The following ROR1 variants were observed in gnomAD, a reference collection of about 807,000 sequenced individuals.
ROR1 encodes inactive tyrosine-protein kinase transmembrane receptor ROR1.
ROR1 carries 19 observed loss-of-function variants against 78.8 expected under a neutral mutation model. The ratio of observed to expected loss-of-function variants is 0.24; its 90% CI spans 0.17 to 0.35. The LOEUF (loss-of-function observed/expected upper bound fraction) is 0.35, where lower values mean the gene tolerates loss of function less well. Ranked by LOEUF, ROR1 falls within the 10% of genes least tolerant of loss-of-function variation. The pLI is 1.00. For missense variants in ROR1, 917 were observed against 1,177.8 expected, an observed-to-expected ratio of 0.78 and a Z score of 3.24; for synonymous variants, 386 against 433.6, an observed-to-expected ratio of 0.89 and a Z score of 1.36.
chr1:63,941,906 C>T (rs1473644784), intron 1 of ROR1, among the ~76,000 whole-genome samples: 1 of 152,192 alleles, frequency 6.6e-6, no homozygotes, highest in Non-Finnish European at 1.5e-5. Flanking sequence ...GGGTGCCAGA[C>T]ACTGTTCTAA....
chr1:63,815,386 G>A (rs1438503064), intron 1 of ROR1, among the ~76,000 whole-genome samples: 3 of 151,534 alleles, frequency 2.0e-5, no homozygotes, highest in Non-Finnish European at 2.9e-5. Flanking sequence ...TTGTTTCTGG[G>A]TGGTGGACTA....
At chr1:63,955,961 G>A (rs1330260421) in intron 1 of ROR1, among the ~76,000 whole-genome samples, 1 of 152,122 alleles carries the variant, frequency 6.6e-6, no homozygotes, top group East Asian at 1.9e-4. Flanking sequence ...TACTTATATG[G>A]GAAGAGAAGG....
chr1:64,112,968 A>G (rs1251407811), intron 4 of ROR1, among the ~76,000 whole-genome samples: 1 of 152,224 alleles, frequency 6.6e-6, no homozygotes, highest in Non-Finnish European at 1.5e-5. Context: ...TAGCCAGTAC[A>G]TAATAAGCAT....
At chr1:64,087,752 C>A (rs1647165699) in intron 4 of ROR1, among the ~76,000 whole-genome samples, 1 of 151,980 alleles carries the variant, frequency 6.6e-6, no homozygotes, top group South Asian at 2.1e-4. Flanking sequence ...AAATGAAAAC[C>A]AAAAAAATTT....
chr1:64,163,272 G>A (rs954979803), intron 8 of ROR1, among the ~76,000 whole-genome samples: 3 of 146,964 alleles, frequency 2.0e-5, no homozygotes, highest in African/African-American at 8.0e-5. Flanking sequence ...CACACAATTC[G>A]CCAGGCATGG....
chr1:63,952,085 G>A (rs1000617261), intron 1 of ROR1, among the ~76,000 whole-genome samples: 2 of 152,160 alleles, frequency 1.3e-5, no homozygotes, highest in African/African-American at 4.8e-5. Flanking sequence ...GGTTAAAAAT[G>A]AAATAGGTCA....
chr1:63,931,318 A>G (rs1009774960), intron 1 of ROR1, among the ~76,000 whole-genome samples: 5 of 152,146 alleles, frequency 3.3e-5, no homozygotes, highest in African/African-American at 1.2e-4. Context: ...CACAGACAAT[A>G]TAAGCAGAAG....
At chr1:64,038,651 C>T (rs1161640046) in intron 2 of ROR1, among the ~76,000 whole-genome samples, 1 of 152,108 alleles carries the variant, frequency 6.6e-6, no homozygotes, top group Non-Finnish European at 1.5e-5. Flanking sequence ...CTGAACATAC[C>T]CAGATCACAC....
At chr1:64,005,810 G>T (rs958827267) in intron 1 of ROR1, among the ~76,000 whole-genome samples, 1 of 152,034 alleles carries the variant, frequency 6.6e-6, no homozygotes, top group Non-Finnish European at 1.5e-5. Flanking sequence ...TTATTTTTCA[G>T]GGAAGTTATT....
chr1:64,101,726 T>C (rs1647553551), intron 4 of ROR1, among the ~76,000 whole-genome samples: 1 of 151,922 alleles, frequency 6.6e-6, no homozygotes, highest in African/African-American at 2.4e-5. Flanking sequence ...TTTACATGGG[T>C]TGATTAGAGG....
At chr1:64,162,756 A>G (rs1054978771) in intron 8 of ROR1, among the ~76,000 whole-genome samples, 6 of 152,204 alleles carry the variant, frequency 3.9e-5, no homozygotes, top group African/African-American at 1.4e-4. Flanking sequence ...TCTATATTGC[A>G]TTACAAATTT....
At chr1:63,921,454 A>G (rs1366836725) in intron 1 of ROR1, among the ~76,000 whole-genome samples, 1 of 152,086 alleles carries the variant, frequency 6.6e-6, no homozygotes, top group African/African-American at 2.4e-5. Flanking sequence ...ACATATTGTC[A>G]CTTTCACACC....
chr1:64,079,532 C>T (rs372803113), intron 4 of ROR1, among the ~76,000 whole-genome samples: 5 of 149,372 alleles, frequency 3.3e-5, no homozygotes, highest in African/African-American at 4.9e-5. Flanking sequence ...AGTACAGTGG[C>T]GCAGTCTCGG....
intron 4 of ROR1, among the ~76,000 whole-genome samples, chr1:64,118,152 G>A (rs1648385964): frequency 1.3e-5 from 2 of 152,200 alleles, no homozygotes; most frequent in Non-Finnish European, 2.9e-5. Context: ...GCAGTGAGCT[G>A]TGATTGTGCC....
intron 1 of ROR1, among the ~76,000 whole-genome samples, chr1:63,942,919 A>G (rs956286448): frequency 1.3e-5 from 2 of 151,834 alleles, no homozygotes; most frequent in Non-Finnish European, 2.9e-5. Context: ...GTGAGACTCT[A>G]TCTCTACAAA....
At chr1:63,895,940 C>T (rs774203040) in intron 1 of ROR1, among the ~76,000 whole-genome samples, 1 of 152,000 alleles carries the variant, frequency 6.6e-6, no homozygotes, top group Non-Finnish European at 1.5e-5. Context: ...AGAACTATGA[C>T]CCCTCTAAGT....
At chr1:63,934,711 A>G (rs1490379647) in intron 1 of ROR1, among the ~76,000 whole-genome samples, 10 of 152,134 alleles carry the variant, frequency 6.6e-5, no homozygotes, top group Admixed American at 6.5e-4. Context: ...AAAAAAGTAT[A>G]TTTTACAATT....
At chr1:63,832,308 C>T (rs1177789809) in intron 1 of ROR1, among the ~76,000 whole-genome samples, 2 of 152,166 alleles carry the variant, frequency 1.3e-5, no homozygotes, top group African/African-American at 4.8e-5. Flanking sequence ...TCTATCAGGA[C>T]CAATTTTCTG....
At chr1:63,952,243 G>T (rs1332895750) in intron 1 of ROR1, among the ~76,000 whole-genome samples, 8 of 152,154 alleles carry the variant, frequency 5.3e-5, no homozygotes, top group African/African-American at 1.9e-4. Context: ...AATACTCCAG[G>T]TGGTGGAATA....
Sources: gnomAD v4.1 joint callset for allele counts (sites outside exome capture counted in the v4.1 genomes callset) on GRCh38, gnomAD v4.1.1 for gene constraint, MANE v1.5 for transcripts, NCBI Gene and HGNC (gene_info 2026-07-23, HGNC 2026-07-21) for gene names.